The following CRPPA variants were observed in gnomAD, a reference collection of about 807,000 sequenced individuals.
CRPPA encodes D-ribitol-5-phosphate cytidylyltransferase.
CRPPA carries 43 observed loss-of-function variants against 52.0 expected under a neutral mutation model. The ratio of observed to expected loss-of-function variants is 0.83; its 90% CI spans 0.65 to 1.07. The LOEUF is 1.07. Among genes scored for constraint, CRPPA ranks in the 50% least tolerant of loss-of-function variants. The pLI, the probability that CRPPA is intolerant of heterozygous loss-of-function variation, is 0.00. For synonymous variants in CRPPA, 250 were observed against 203.5 expected, an observed-to-expected ratio of 1.23 and a Z score of -1.94; for missense variants, 629 against 551.7, an observed-to-expected ratio of 1.14 and a Z score of -1.40.
intron 6 of CRPPA, among the ~76,000 whole-genome samples, chr7:16,271,562 G>C (rs1217449547): frequency 6.6e-6 from 1 of 152,098 alleles, no homozygotes; most frequent in Non-Finnish European, 1.5e-5. Flanking sequence ...AACCACAGAT[G>C]CTTTCTTTCT....
Position 16,278,191 on chromosome 7 carries a change from T to A in CRPPA, c.871A>T (p.Thr291Ser), listed in dbSNP as rs1583487648. 1 of 1,580,240 alleles carries A rather than the reference T, an allele frequency of 6.3e-7. No homozygotes were observed. Among genetic ancestry groups the A allele is most frequent in the East Asian group, 2.2e-5 (1 of 44,700 alleles). The change falls in exon 6 of 10, where the codon ACA (threonine) becomes TCA (serine). Residue 291 changes from threonine (T) to serine (S), a missense_variant. Transcript: ENST00000407010. Reference protein sequence around the residue: ...ISQEICVVMDTEEDNKHVGHL... With the variant: ...ISQEICVVMDSEEDNKHVGHL... The stretch of plus-strand genomic sequence containing the variant: ...CCTACATGTTTGTTATCTTCTTCTG[T>A]ATCCATAACTACACAAATCTCTTGG...
chr7:16,223,688 A>AT (rs1355661131), intron 8 of CRPPA, among the ~76,000 whole-genome samples: 2 of 152,212 alleles, frequency 1.3e-5, no homozygotes, highest in African/African-American at 4.8e-5. Flanking sequence ...CACAATTTTA[A>AT]TTTAAAAAAA....
At chr7:16,264,202 T>TA (rs1285242910) in intron 6 of CRPPA, among the ~76,000 whole-genome samples, 23 of 151,886 alleles carry the variant, frequency 1.5e-4, no homozygotes, top group Admixed American at 3.9e-4. Flanking sequence ...GTTGTTTATA[T>TA]ATAAAAAAAA....
At chr7:16,350,864 A>C (rs573734694) in intron 3 of CRPPA, among the ~76,000 whole-genome samples, 1 of 152,318 alleles carries the variant, frequency 6.6e-6, no homozygotes, top group South Asian at 2.1e-4. Flanking sequence ...GACTCATTTC[A>C]TCTTAAAGAA....
At chr7:16,283,166 A>G (rs1406579281) in intron 5 of CRPPA, among the ~76,000 whole-genome samples, 1 of 151,704 alleles carries the variant, frequency 6.6e-6, no homozygotes, top group East Asian at 1.9e-4. Context: ...TATCATATAT[A>G]GAACCTTTAT....
intron 8 of CRPPA, among the ~76,000 whole-genome samples, chr7:16,221,542 C>T (rs540482594): frequency 6.6e-6 from 1 of 152,212 alleles, no homozygotes. Flanking sequence ...TCACAACCTA[C>T]TCATCTGACA....
chr7:16,193,930 C>T (rs1378623180), intron 9 of CRPPA, among the ~76,000 whole-genome samples: 1 of 152,086 alleles, frequency 6.6e-6, no homozygotes, highest in Non-Finnish European at 1.5e-5. Flanking sequence ...TCATCAGCAA[C>T]CTTCTTCAAC....
intron 8 of CRPPA, among the ~76,000 whole-genome samples, chr7:16,250,285 G>C (rs1783409744): frequency 6.6e-6 from 1 of 152,198 alleles, no homozygotes. Context: ...ATGACACCAA[G>C]TTGGAAAACA....
At chr7:16,172,050 C>A (rs769934902) in intron 9 of CRPPA, among the ~76,000 whole-genome samples, 2 of 152,142 alleles carry the variant, frequency 1.3e-5, no homozygotes, top group African/African-American at 2.4e-5. Context: ...CCTCAGCTTA[C>A]GAAAGCACGC....
At chr7:16,405,992 C>T in intron 2 of CRPPA, 69 bp downstream of exon 2, 1 of 1,396,574 alleles carries the variant, frequency 7.2e-7, no homozygotes, top group Non-Finnish European at 9.8e-7. Context: ...AGAATTGAAT[C>T]AAAATTCAGC....
intron 9 of CRPPA, among the ~76,000 whole-genome samples, chr7:16,106,115 G>T (rs932133899): frequency 6.6e-6 from 1 of 151,972 alleles, no homozygotes; most frequent in Non-Finnish European, 1.5e-5. Context: ...AAAACTCAGG[G>T]GTTCCACCCA....
At chr7:16,415,740 C>T (rs1307226076) in intron 1 of CRPPA, among the ~76,000 whole-genome samples, 1 of 152,202 alleles carries the variant, frequency 6.6e-6, no homozygotes, top group Non-Finnish European at 1.5e-5. Context: ...TACTTATCTG[C>T]TGCACTTCCT....
At chr7:16,212,481 G>C (rs1295799122) in intron 9 of CRPPA, among the ~76,000 whole-genome samples, 3 of 152,118 alleles carry the variant, frequency 2.0e-5, no homozygotes, top group African/African-American at 7.2e-5. Context: ...CTTTGATCAA[G>C]ACGTCTGACA....
intron 9 of CRPPA, among the ~76,000 whole-genome samples, chr7:16,200,729 T>G (rs1781831880): frequency 6.6e-6 from 1 of 152,206 alleles, no homozygotes; most frequent in Non-Finnish European, 1.5e-5. Flanking sequence ...ATTTAAATGC[T>G]TAGTATTGTG....
intron 9 of CRPPA, among the ~76,000 whole-genome samples, chr7:16,149,878 C>T (rs1194495442): frequency 2.0e-5 from 3 of 151,510 alleles, no homozygotes; most frequent in South Asian, 4.2e-4. Context: ...CCCAACTACT[C>T]GGGAGGCTGA....
At chr7:16,268,389 T>A (rs1262272754) in intron 6 of CRPPA, among the ~76,000 whole-genome samples, 2 of 151,184 alleles carry the variant, frequency 1.3e-5, no homozygotes, top group Non-Finnish European at 2.9e-5. Flanking sequence ...TCAGACACCA[T>A]CCCAATATTT....
intron 9 of CRPPA, among the ~76,000 whole-genome samples, chr7:16,146,559 A>T (rs762253430): frequency 6.6e-6 from 1 of 152,198 alleles, no homozygotes; most frequent in Non-Finnish European, 1.5e-5. Flanking sequence ...AAAATTAACT[A>T]TAGCTATAAT....
intron 8 of CRPPA, among the ~76,000 whole-genome samples, chr7:16,216,721 C>T (rs986140532): frequency 6.6e-6 from 1 of 152,180 alleles, no homozygotes; most frequent in African/African-American, 2.4e-5. Context: ...CCGAATATTG[C>T]GCTTTTCGGA....
At chr7:16,099,032 A>T (rs1562502193) in intron 9 of CRPPA, among the ~76,000 whole-genome samples, 1 of 152,152 alleles carries the variant, frequency 6.6e-6, no homozygotes, top group African/African-American at 2.4e-5. Context: ...CTGTGTCTAG[A>T]AACAGGGCCT....
Sources: allele counts gnomAD v4.1 joint callset (sites outside exome capture counted in the v4.1 genomes callset), GRCh38; gene constraint gnomAD v4.1.1; transcripts MANE v1.5; gene names NCBI Gene and HGNC (gene_info 2026-07-23, HGNC 2026-07-21).